Variants in RASAL2 observed in about 807,000 individuals in gnomAD.
RASAL2 encodes RAS protein activator like 2, also known as ras GTPase-activating protein nGAP.
A neutral mutation model predicts 128.9 loss-of-function variants in RASAL2; 58 were observed. The ratio of observed to expected loss-of-function variants is 0.45; its 90% CI spans 0.36 to 0.56. The LOEUF is 0.56. Among genes scored for constraint, RASAL2 ranks in the 20% least tolerant of loss-of-function variants. RASAL2 has a pLI of 0.00. For missense variants in RASAL2, 1,360 were observed against 1,601.6 expected (o/e 0.85, Z 2.57); for synonymous variants, 561 against 580.8 (o/e 0.97, Z 0.49).
At chr1:178,452,688 G>C (rs1677466282) in intron 11 of RASAL2, 36 bp downstream of exon 11, 17 of 1,547,068 alleles carry the variant, frequency 1.1e-5, no homozygotes, top group Non-Finnish European at 1.4e-5. Context: ...TAAAAACACA[G>C]TTTAAAAAAT....
At chr1:178,221,455 AGTTAT>A (rs1263939784) in intron 1 of RASAL2, among the ~76,000 whole-genome samples, 1 of 152,030 alleles carries the variant, frequency 6.6e-6, no homozygotes, top group African/African-American at 2.4e-5. Context: ...AATTCTGATA[AGTTAT>A]ATCATCATTT....
chr1:178,377,896 C>G (rs928033672), intron 3 of RASAL2, among the ~76,000 whole-genome samples: 5 of 151,430 alleles, frequency 3.3e-5, no homozygotes, highest in Admixed American at 1.3e-4. Context: ...ATGTTAAGGA[C>G]AACTACTAGA....
At chr1:178,196,397 C>T (rs1662662156) in intron 1 of RASAL2, among the ~76,000 whole-genome samples, 1 of 152,044 alleles carries the variant, frequency 6.6e-6, no homozygotes, top group African/African-American at 2.4e-5. Flanking sequence ...GAGAGAAAGG[C>T]AAACCAATCA....
chr1:178,450,848 A>T (rs936287714), intron 9 of RASAL2, among the ~76,000 whole-genome samples: 4 of 152,220 alleles, frequency 2.6e-5, no homozygotes, highest in Non-Finnish European at 4.4e-5. Context: ...CATCCTAGGA[A>T]TGAAACAAAC....
chr1:178,202,956 G>T (rs1360828110), intron 1 of RASAL2, among the ~76,000 whole-genome samples: 1 of 152,208 alleles, frequency 6.6e-6, no homozygotes, highest in Non-Finnish European at 1.5e-5. Context: ...CATGGCCACT[G>T]CTGAATGCCC....
intron 4 of RASAL2, among the ~76,000 whole-genome samples, chr1:178,404,631 G>A (rs765615395): frequency 3.4e-5 from 5 of 147,646 alleles, no homozygotes; most frequent in South Asian, 2.2e-4. Flanking sequence ...CGCCCACCTC[G>A]GCCTCCCAAA....
At chr1:178,462,100 CTCTT>C (rs1678242346) in intron 14 of RASAL2, among the ~76,000 whole-genome samples, 2 of 152,088 alleles carry the variant, frequency 1.3e-5, no homozygotes, top group African/African-American at 4.8e-5. Context: ...GATATAAATT[CTCTT>C]TCTAAGGCCA....
chr1:178,171,189 G>C (rs894129932), intron 1 of RASAL2, among the ~76,000 whole-genome samples: 3 of 151,864 alleles, frequency 2.0e-5, no homozygotes, highest in African/African-American at 7.2e-5. Flanking sequence ...TAAGACATGA[G>C]TTGAAAAGAA....
chr1:178,349,146 C>T (rs569958165), intron 3 of RASAL2, among the ~76,000 whole-genome samples: 4 of 150,776 alleles, frequency 2.7e-5, no homozygotes, highest in South Asian at 4.2e-4. Context: ...TCTGGCCGGA[C>T]GCCGTGGCTC....
intron 1 of RASAL2, among the ~76,000 whole-genome samples, chr1:178,119,629 A>T (rs1326489176): frequency 6.6e-6 from 1 of 152,218 alleles, no homozygotes; most frequent in East Asian, 1.9e-4. Flanking sequence ...TATTCATTCA[A>T]AGACGTGAAT....
At chr1:178,150,318 C>G (rs1660869096) in intron 1 of RASAL2, among the ~76,000 whole-genome samples, 1 of 151,798 alleles carries the variant, frequency 6.6e-6, no homozygotes, top group Non-Finnish European at 1.5e-5. Context: ...CCTTAGCCTC[C>G]CAAGTAGCTG....
chr1:178,144,440 A>G (rs916697538), intron 1 of RASAL2, among the ~76,000 whole-genome samples: 1 of 152,164 alleles, frequency 6.6e-6, no homozygotes, highest in African/African-American at 2.4e-5. Context: ...AATATTTTAA[A>G]ATTGTTTCTC....
chr1:178,107,538 C>T (rs1659139618), intron 1 of RASAL2, among the ~76,000 whole-genome samples: 1 of 152,068 alleles, frequency 6.6e-6, no homozygotes, highest in African/African-American at 2.4e-5. Flanking sequence ...ATATTAAATA[C>T]ATTCATAATG....
chr1:178,405,619 G>A (rs1043599984), intron 4 of RASAL2, among the ~76,000 whole-genome samples: 1 of 152,228 alleles, frequency 6.6e-6, no homozygotes, highest in East Asian at 1.9e-4. Context: ...GCTTGAAAAG[G>A]CATAAGACAG....
chr1:178,181,361 A>T (rs915122753), intron 1 of RASAL2, among the ~76,000 whole-genome samples: 2 of 145,046 alleles, frequency 1.4e-5, no homozygotes, highest in African/African-American at 5.0e-5. Context: ...TTGATTCAGA[A>T]TTTTTTTTTT....
chr1:178,319,469 A>G (rs1305876458), intron 3 of RASAL2, among the ~76,000 whole-genome samples: 1 of 150,250 alleles, frequency 6.7e-6, no homozygotes, highest in Non-Finnish European at 1.5e-5. Flanking sequence ...ATAGTCCCAT[A>G]TTTCTTGGAG....
At chr1:178,368,602 T>A in intron 3 of RASAL2, among the ~76,000 whole-genome samples, 1 of 152,138 alleles carries the variant, frequency 6.6e-6, no homozygotes, top group East Asian at 1.9e-4. Context: ...TTTTGTTTTT[T>A]ATGTAGAAAA....
chr1:178,110,033 A>G (rs1382673800), intron 1 of RASAL2, among the ~76,000 whole-genome samples: 1 of 152,174 alleles, frequency 6.6e-6, no homozygotes, highest in African/African-American at 2.4e-5. Context: ...CAAACAAACG[A>G]AAAACCGGAT....
intron 3 of RASAL2, among the ~76,000 whole-genome samples, chr1:178,372,552 A>C (rs973086623): frequency 1.3e-5 from 2 of 152,186 alleles, no homozygotes; most frequent in Admixed American, 1.3e-4. Context: ...CTTAACAAAG[A>C]GTGCTAGCTC....
Sources: allele counts gnomAD v4.1 joint callset (sites outside exome capture counted in the v4.1 genomes callset), GRCh38; gene constraint gnomAD v4.1.1; transcripts MANE v1.5; gene names NCBI Gene and HGNC (gene_info 2026-07-23, HGNC 2026-07-21).